Variants in GRM8 observed in about 807,000 individuals in gnomAD.
GRM8 encodes glutamate metabotropic receptor 8.
In GRM8, 47 loss-of-function variants were observed where a neutral mutation model predicts 87.2. The observed-to-expected ratio is 0.54, with a 90% CI of 0.43 to 0.69. The LOEUF (loss-of-function observed/expected upper bound fraction) is 0.69. Among genes scored for constraint, GRM8 ranks in the 30% least tolerant of loss-of-function variants. The pLI, the probability that GRM8 is intolerant of heterozygous loss-of-function variation, is 0.00. For missense variants in GRM8, 1,019 were observed against 1,139.2 expected (o/e 0.89, Z 1.52); for synonymous variants, 396 against 404.5 (o/e 0.98, Z 0.25).
At chr7:126,861,549 A>G (rs575310945) in intron 6 of GRM8, among the ~76,000 whole-genome samples, 1 of 151,930 alleles carries the variant, frequency 6.6e-6, no homozygotes, top group Non-Finnish European at 1.5e-5. Context: ...AACTTCTCCC[A>G]TATTTGGTAC....
At chr7:127,168,570 G>A (rs1793591514) in intron 2 of GRM8, among the ~76,000 whole-genome samples, 1 of 152,098 alleles carries the variant, frequency 6.6e-6, no homozygotes, top group Admixed American at 6.6e-5. Flanking sequence ...TATGTTTATT[G>A]CAGCACTGTT....
chr7:126,815,696 G>C (rs968421042), intron 6 of GRM8, among the ~76,000 whole-genome samples: 9 of 152,110 alleles, frequency 5.9e-5, no homozygotes, highest in African/African-American at 2.2e-4. Flanking sequence ...CTCACAGCCT[G>C]AATTGGGCAA....
At chr7:127,173,014 A>T (rs1793905776) in intron 2 of GRM8, among the ~76,000 whole-genome samples, 1 of 152,192 alleles carries the variant, frequency 6.6e-6, no homozygotes, top group Non-Finnish European at 1.5e-5. Context: ...AAGACAAGTA[A>T]CTAACATGCA....
chr7:127,077,373 C>T (rs576751517), intron 3 of GRM8, among the ~76,000 whole-genome samples: 1 of 152,300 alleles, frequency 6.6e-6, no homozygotes, highest in South Asian at 2.1e-4. Context: ...TTCCCCTAAA[C>T]CTTAATTTGT....
chr7:126,961,973 T>C (rs182309291), intron 3 of GRM8, among the ~76,000 whole-genome samples: 42 of 152,074 alleles, frequency 2.8e-4, no homozygotes, highest in African/African-American at 1.0e-3. Context: ...TTCTTTGCTG[T>C]TGCCATGGGC....
chr7:127,192,683 T>C (rs902621463), intron 2 of GRM8, among the ~76,000 whole-genome samples: 1 of 152,222 alleles, frequency 6.6e-6, no homozygotes, highest in Non-Finnish European at 1.5e-5. Flanking sequence ...GGTCATGTTC[T>C]ACGCAAGTAC....
chr7:126,865,029 A>G (rs1006401635), intron 6 of GRM8, among the ~76,000 whole-genome samples: 1 of 152,164 alleles, frequency 6.6e-6, no homozygotes, highest in African/African-American at 2.4e-5. Flanking sequence ...TCAGCTTCCT[A>G]AGGCTGTGGA....
At chr7:126,557,765 G>T (rs1793303676) in intron 8 of GRM8, among the ~76,000 whole-genome samples, 4 of 152,070 alleles carry the variant, frequency 2.6e-5, no homozygotes. Flanking sequence ...CAACATATGT[G>T]TATGACAAAG....
At chr7:126,667,057 C>T (rs1805847762) in intron 7 of GRM8, among the ~76,000 whole-genome samples, 1 of 152,062 alleles carries the variant, frequency 6.6e-6, no homozygotes, top group Admixed American at 6.6e-5. Context: ...GTAATAACAA[C>T]AATAATGATA....
At chr7:126,644,821 C>T (rs568446625) in intron 7 of GRM8, among the ~76,000 whole-genome samples, 1 of 152,306 alleles carries the variant, frequency 6.6e-6, no homozygotes, top group East Asian at 1.9e-4. Context: ...TAATAGATAA[C>T]CATTTTCCCA....
intron 9 of GRM8, among the ~76,000 whole-genome samples, chr7:126,501,085 T>A (rs1395140280): frequency 1.3e-5 from 2 of 152,058 alleles, no homozygotes; most frequent in African/African-American, 4.8e-5. Context: ...TAAGACTTCA[T>A]ACTCATATCA....
At chr7:127,045,133 T>C (rs1818803992) in intron 3 of GRM8, among the ~76,000 whole-genome samples, 1 of 152,182 alleles carries the variant, frequency 6.6e-6, no homozygotes, top group South Asian at 2.1e-4. Flanking sequence ...CTGAAATCTT[T>C]TATCAACTCA....
At chr7:126,692,471 T>C (rs10272830) in intron 7 of GRM8, among the ~76,000 whole-genome samples, 1 of 152,138 alleles carries the variant, frequency 6.6e-6, no homozygotes, top group Admixed American at 6.5e-5. Flanking sequence ...CAACATTAGA[T>C]GATGTGTGTT....
At chr7:126,646,481 C>T (rs550834163) in intron 7 of GRM8, among the ~76,000 whole-genome samples, 2 of 152,290 alleles carry the variant, frequency 1.3e-5, no homozygotes, top group South Asian at 2.1e-4. Context: ...TCTGTAATTT[C>T]CTCCCTCTCT....
chr7:126,998,632 T>G (rs1431141973), intron 3 of GRM8, among the ~76,000 whole-genome samples: 1 of 150,836 alleles, frequency 6.6e-6, no homozygotes. Flanking sequence ...CATGAAACAA[T>G]CTGAAAAAGA....
chr7:126,941,567 C>T (rs1806940323), intron 3 of GRM8, among the ~76,000 whole-genome samples: 1 of 150,002 alleles, frequency 6.7e-6, no homozygotes, highest in African/African-American at 2.5e-5. Context: ...CTGCAGTGAG[C>T]GGAGATCGCA....
chr7:126,929,003 G>A (rs957226594), intron 3 of GRM8, among the ~76,000 whole-genome samples: 1 of 152,152 alleles, frequency 6.6e-6, no homozygotes, highest in African/African-American at 2.4e-5. Flanking sequence ...ACAGGCAAAG[G>A]TGTTGATGCA....
intron 9 of GRM8, among the ~76,000 whole-genome samples, chr7:126,483,838 T>C (rs1442787287): frequency 7.2e-6 from 1 of 138,708 alleles, no homozygotes; most frequent in Non-Finnish European, 1.5e-5. Flanking sequence ...TATGATCTAC[T>C]GAAGGGCTGA....
chr7:126,474,416 A>T (rs1360570784), intron 9 of GRM8, among the ~76,000 whole-genome samples: 1 of 152,090 alleles, frequency 6.6e-6, no homozygotes, highest in Non-Finnish European at 1.5e-5. Context: ...CTACAAGCAT[A>T]GGCCACCATG....
Sources: allele counts gnomAD v4.1 joint callset (sites outside exome capture counted in the v4.1 genomes callset), GRCh38; gene constraint gnomAD v4.1.1; transcripts MANE v1.5; gene names NCBI Gene and HGNC (gene_info 2026-07-23, HGNC 2026-07-21).